FHIT: variants seen among roughly 807,000 people sequenced by gnomAD.
FHIT encodes the protein bis(5'-adenosyl)-triphosphatase.
In FHIT, 19 loss-of-function variants were observed where a neutral mutation model predicts 17.9. The observed-to-expected ratio is 1.06, with a 90% CI of 0.74 to 1.56. The LOEUF (loss-of-function observed/expected upper bound fraction) is 1.56, where lower values mean the gene tolerates loss of function less well. Among genes scored for constraint, FHIT ranks in the 40% most tolerant of loss-of-function variants. FHIT has a pLI of 0.00. For missense variants in FHIT, 248 were observed against 189.2 expected, an observed-to-expected ratio of 1.31 and a Z score of -1.82; for synonymous variants, 81 against 69.7, an observed-to-expected ratio of 1.16 and a Z score of -0.81.
intron 2 of FHIT, among the ~76,000 whole-genome samples, chr3:61,077,263 A>G (rs1420928068): frequency 6.6e-6 from 1 of 152,142 alleles, no homozygotes; most frequent in African/African-American, 2.4e-5. Context: ...TGTATGAAGT[A>G]TATACTAGTG....
At chr3:60,937,097 C>T (rs1230045372) in intron 3 of FHIT, among the ~76,000 whole-genome samples, 6 of 152,182 alleles carry the variant, frequency 3.9e-5, no homozygotes, top group Admixed American at 6.5e-5. Context: ...CAAAGACTCT[C>T]ATCCCCTATC....
chr3:60,368,043 T>C (rs1212941375), intron 5 of FHIT, among the ~76,000 whole-genome samples: 2 of 152,176 alleles, frequency 1.3e-5, no homozygotes, highest in Admixed American at 1.3e-4. Context: ...ATCTATGCTT[T>C]TGATGGACTA....
At chr3:60,792,035 G>C (rs1413852692) in intron 4 of FHIT, among the ~76,000 whole-genome samples, 1 of 152,194 alleles carries the variant, frequency 6.6e-6, no homozygotes, top group African/African-American at 2.4e-5. Context: ...TGGTGGGCTG[G>C]TTTCAGACAA....
chr3:60,975,427 T>A lies in FHIT; in HGVS notation c.-111+66620A>T, dbSNP rs141629162. Among the ~76,000 whole-genome samples the A allele has an allele frequency of 7.0e-3, 1,070 of 152,332 alleles. 4 individuals are homozygous for A. Among genetic ancestry groups the A allele is most frequent in the Middle Eastern group, 0.02 (6 of 294 alleles). On this transcript the variant is annotated intron_variant, in intron 3 of 9. Transcript: ENST00000492590. ...TATGCCCAGTTAATGTATGCTGAAC[T>A]TGAAGTATGGCTTTATTTCCCTCAT... is the stretch of plus-strand genomic sequence containing the variant.
At chr3:60,906,146 T>A (rs1553764500) in intron 3 of FHIT, among the ~76,000 whole-genome samples, 1 of 152,174 alleles carries the variant, frequency 6.6e-6, no homozygotes. Context: ...ATATCCTTAG[T>A]GGAATATTAG....
chr3:60,978,238 C>T (rs1710346136), intron 3 of FHIT, among the ~76,000 whole-genome samples: 1 of 152,152 alleles, frequency 6.6e-6, no homozygotes, highest in Non-Finnish European at 1.5e-5. Flanking sequence ...GCTTCTAGAA[C>T]TTTAACGTGG....
chr3:61,049,927 G>A (rs1417969090), intron 2 of FHIT, among the ~76,000 whole-genome samples: 1 of 151,946 alleles, frequency 6.6e-6, no homozygotes, highest in Non-Finnish European at 1.5e-5. Context: ...GAAGACACAG[G>A]GACACAGAGA....
At chr3:60,342,466 A>T (rs1710573708) in intron 5 of FHIT, among the ~76,000 whole-genome samples, 1 of 152,228 alleles carries the variant, frequency 6.6e-6, no homozygotes, top group Non-Finnish European at 1.5e-5. Flanking sequence ...TTAACATAAA[A>T]TTTACCATTT....
At chr3:60,222,654 A>C (rs1475577925) in intron 5 of FHIT, among the ~76,000 whole-genome samples, 1 of 152,134 alleles carries the variant, frequency 6.6e-6, no homozygotes, top group Non-Finnish European at 1.5e-5. Flanking sequence ...CTGGGTTAAA[A>C]TATTATTTTA....
At chr3:60,147,343 C>A (rs1559675793) in intron 5 of FHIT, among the ~76,000 whole-genome samples, 1 of 152,140 alleles carries the variant, frequency 6.6e-6, no homozygotes, top group Non-Finnish European at 1.5e-5. Context: ...ATTCAAACTA[C>A]AAGTCTTAAC....
intron 3 of FHIT, among the ~76,000 whole-genome samples, chr3:60,879,776 A>T (rs772478883): frequency 7.2e-5 from 11 of 151,820 alleles, no homozygotes; most frequent in Non-Finnish European, 1.5e-4. Flanking sequence ...CTTCAAGAAC[A>T]GACTTAAGTA....
At chr3:60,294,219 C>G (rs1708107119) in intron 5 of FHIT, among the ~76,000 whole-genome samples, 1 of 152,072 alleles carries the variant, frequency 6.6e-6, no homozygotes, top group African/African-American at 2.4e-5. Flanking sequence ...ACAGACCACG[C>G]AAAGCACATC....
At chr3:60,656,572 G>C (rs1230708683) in intron 4 of FHIT, among the ~76,000 whole-genome samples, 6 of 152,086 alleles carry the variant, frequency 3.9e-5, no homozygotes, top group African/African-American at 1.4e-4. Flanking sequence ...CTTGTCAAGC[G>C]CTCAATACGT....
chr3:61,168,053 G>A (rs1038029449), intron 2 of FHIT, among the ~76,000 whole-genome samples: 1 of 152,144 alleles, frequency 6.6e-6, no homozygotes, highest in African/African-American at 2.4e-5. Context: ...GCAGCCTCTT[G>A]ATACCACCAC....
At chr3:60,810,976 G>A (rs182419518) in intron 4 of FHIT, among the ~76,000 whole-genome samples, 1 of 152,266 alleles carries the variant, frequency 6.6e-6, no homozygotes, top group Admixed American at 6.5e-5. Context: ...ATAGGGGTTC[G>A]AATTCTGACT....
At chr3:60,059,846 C>T (rs1371375347) in intron 5 of FHIT, among the ~76,000 whole-genome samples, 1 of 152,160 alleles carries the variant, frequency 6.6e-6, no homozygotes, top group Non-Finnish European at 1.5e-5. Flanking sequence ...TTTACCTTTT[C>T]CTTATAAAAC....
chr3:60,038,913 G>C (rs1417736287), intron 5 of FHIT, among the ~76,000 whole-genome samples: 1 of 152,118 alleles, frequency 6.6e-6, no homozygotes, highest in Non-Finnish European at 1.5e-5. Context: ...CTAAAACTAA[G>C]TGACTTAAAT....
chr3:60,768,555 A>G (rs57595293), intron 4 of FHIT, among the ~76,000 whole-genome samples: 59,611 of 152,106 alleles, frequency 0.39, 12,004 homozygotes, highest in Non-Finnish European at 0.42. Flanking sequence ...CAAATGTACC[A>G]CTTGCTAGAA....
chr3:60,464,704 A>G (rs2032687320), intron 5 of FHIT, among the ~76,000 whole-genome samples: 1 of 152,136 alleles, frequency 6.6e-6, no homozygotes, highest in Non-Finnish European at 1.5e-5. Context: ...ATTCTTTTTT[A>G]TAGCTGAATA....
Sources: gnomAD v4.1 joint callset for allele counts (sites outside exome capture counted in the v4.1 genomes callset) on GRCh38, gnomAD v4.1.1 for gene constraint, MANE v1.5 for transcripts, NCBI Gene and HGNC (gene_info 2026-07-23, HGNC 2026-07-21) for gene names.